SSMEM1: variants seen among roughly 807,000 people sequenced by gnomAD.
The protein encoded by SSMEM1 is serine rich single-pass membrane protein 1.
SSMEM1 carries 12 observed loss-of-function variants against 9.9 expected under a neutral mutation model. That is an observed-to-expected ratio of 1.21 (90% confidence interval 0.78 to 1.96). SSMEM1 has a LOEUF of 1.96. SSMEM1 is among the 30% of genes most tolerant of loss of function. The pLI, the probability that SSMEM1 is intolerant of heterozygous loss-of-function variation, is 0.00. For missense variants in SSMEM1, 259 were observed against 292.2 expected (o/e 0.89, Z 0.83); for synonymous variants, 96 against 98.9 (o/e 0.97, Z 0.17).
chr7:130,216,600 G>C lies in SSMEM1; in HGVS notation c.*130G>C. On this transcript the variant is annotated 3_prime_UTR_variant, in exon 3 of 3. Coordinates refer to ENST00000297819, the MANE Select transcript of SSMEM1 (RefSeq NM_145268.4). ...CTACCAACAAACAAAAACATACTTGGAACCCAAGAGGTAAAATCTCACACA... is the reference window on the plus strand; with the variant it reads ...CTACCAACAAACAAAAACATACTTGCAACCCAAGAGGTAAAATCTCACACA... 8.8e-7 allele frequency: 1 copy of C among 1,137,988 alleles called. No individual in the cohort carries two copies. The highest frequency in any genetic ancestry group is 1.2e-6 in the Non-Finnish European group (1 of 815,280). 70.5% of individuals were successfully genotyped at this position (1,137,988 alleles called of 1,614,324 possible). A position where few individuals can be genotyped will look rare whatever the true frequency, so the allele number is the denominator to read the frequency against.
chr7:130,214,376 A>G (rs1361602391), intron 2 of SSMEM1, among the ~76,000 whole-genome samples: 1 of 152,172 alleles, frequency 6.6e-6, no homozygotes, highest in African/African-American at 2.4e-5. Flanking sequence ...TCATGCCACT[A>G]CACTCCAGCC....
chr7:130,215,352 C>G (rs1402168676), intron 2 of SSMEM1, among the ~76,000 whole-genome samples: 1 of 151,992 alleles, frequency 6.6e-6, no homozygotes, highest in Admixed American at 6.6e-5. Flanking sequence ...TTTCCAGCAT[C>G]CAAATACAAC....
At chr7:130,205,444 GA>G, upstream of SSMEM1, 2 of 1,611,494 alleles carry the variant, frequency 1.2e-6, no homozygotes. Flanking sequence ...GCTCAAGCGG[GA>G]GGCCACCGGC....
At chr7:130,206,918 C>T (rs1056038388), upstream of SSMEM1, 2 of 208,906 alleles carry the variant, frequency 9.6e-6, no homozygotes, top group South Asian at 5.0e-5. Context: ...CCTGGGAAGC[C>T]GAGGTTGCGG....
At chr7:130,210,618 A>G (rs886799836) in intron 1 of SSMEM1, among the ~76,000 whole-genome samples, 1 of 152,210 alleles carries the variant, frequency 6.6e-6, no homozygotes, top group African/African-American at 2.4e-5. Flanking sequence ...ACTGAGCTTA[A>G]GAGGTGTTAA....
intron 2 of SSMEM1, among the ~76,000 whole-genome samples, chr7:130,214,083 GTT>G (rs1348201384): frequency 6.6e-6 from 1 of 152,152 alleles, no homozygotes; most frequent in African/African-American, 2.4e-5. Context: ...ACTGGTAAAT[GTT>G]TAACAACTGG....
intron 2 of SSMEM1, among the ~76,000 whole-genome samples, 155 bp downstream of exon 2, chr7:130,213,689 TACCAA>T (rs1305364424): frequency 3.2e-5 from 2 of 62,616 alleles, no homozygotes; most frequent in African/African-American, 6.2e-5. Flanking sequence ...TGAGACCCAG[TACCAA>T]AAAAAAAAAA....
At position 130,216,215 on chromosome 7, in the gene SSMEM1, C is replaced by T; in HGVS notation, c.480C>T (p.Ser160=). 1 of 1,614,132 alleles carries T rather than the reference C, an allele frequency of 6.2e-7. No homozygotes were observed. The highest frequency in any genetic ancestry group is 1.1e-5 in the South Asian group (1 of 91,078). Residue 160 remains serine, a synonymous_variant, in exon 3 of 3, where the codon TCC becomes TCT. Transcript: ENST00000297819. ...YGSEESNSEA[S]SWKESESEHH... ...GTGAAGAGTCTAACTCAGAAGCCTCCTCGTGGAAGGAGAGTGAAAGTGAAC... is the reference window on the plus strand; with the variant it reads ...GTGAAGAGTCTAACTCAGAAGCCTCTTCGTGGAAGGAGAGTGAAAGTGAAC...
At chr7:130,215,840 A>G in intron 2 of SSMEM1, 134 bp from the exon 3 acceptor site, 1 of 1,175,364 alleles carries the variant, frequency 8.5e-7, no homozygotes, top group South Asian at 1.6e-5. Context: ...CAACACTTGC[A>G]GGTGACTGGA....
chr7:130,206,654 G>A (rs1798479461), upstream of SSMEM1, among the ~76,000 whole-genome samples: 1 of 152,190 alleles, frequency 6.6e-6, no homozygotes, highest in African/African-American at 2.4e-5. Context: ...GAACTAACTG[G>A]AAAATTGTTC....
intron 1 of SSMEM1, among the ~76,000 whole-genome samples, chr7:130,211,315 A>T (rs1798587418): frequency 6.6e-6 from 1 of 151,298 alleles, no homozygotes; most frequent in South Asian, 2.1e-4. Flanking sequence ...CCACCACCAC[A>T]CCCGGCTAAT....
chr7:130,212,143 A>T (rs1206383776), intron 1 of SSMEM1, among the ~76,000 whole-genome samples: 1 of 152,160 alleles, frequency 6.6e-6, no homozygotes, highest in Non-Finnish European at 1.5e-5. Flanking sequence ...CTTTTGGCAA[A>T]ATCACTTTCA....
upstream of SSMEM1, chr7:130,206,978 C>T: frequency 6.3e-6 from 1 of 158,728 alleles, no homozygotes; most frequent in Non-Finnish European, 1.4e-5. Flanking sequence ...AGAGTGAGAC[C>T]CTGCTAAAAA....
In SSMEM1 at chr7:130,213,257, A is replaced by G. The variant is rs193044679; in HGVS notation, c.184-223A>G. Among the ~76,000 whole-genome samples the G allele has an allele frequency of 3.1e-3, 466 of 152,266 alleles. 2 individuals are homozygous for G. The highest frequency in any genetic ancestry group is 0.014 in the South Asian group (67 of 4,818). On this transcript the variant is annotated intron_variant, in intron 1 of 2. Coordinates refer to ENST00000297819, the MANE Select transcript of SSMEM1 (RefSeq NM_145268.4). Reference sequence around the variant, plus strand: ...CAGCTACTTGGGAGGCCGAGGCAGGAGAATCACTTGAACCCGGAAGATAGA... The same window carrying G: ...CAGCTACTTGGGAGGCCGAGGCAGGGGAATCACTTGAACCCGGAAGATAGA...
chr7:130,208,956 G>A (rs1188479716), intron 1 of SSMEM1, among the ~76,000 whole-genome samples: 2 of 151,856 alleles, frequency 1.3e-5, no homozygotes, highest in South Asian at 2.1e-4. Context: ...TCCGCCTCCC[G>A]GATTCAAGTG....
At chr7:130,206,614 T>C (rs1798477961), upstream of SSMEM1, among the ~76,000 whole-genome samples, 1 of 152,244 alleles carries the variant, frequency 6.6e-6, no homozygotes. Flanking sequence ...AGCAGCAATG[T>C]TGTTTTGCTC....
At chr7:130,209,791 G>T (rs1222586978) in intron 1 of SSMEM1, among the ~76,000 whole-genome samples, 1 of 152,282 alleles carries the variant, frequency 6.6e-6, no homozygotes, top group East Asian at 1.9e-4. Context: ...TGTTGGCCAG[G>T]CTGGTGTCGA....
chr7:130,213,639 C>A, intron 2 of SSMEM1, 105 bp downstream of exon 2: 1 of 717,020 alleles, frequency 1.4e-6, no homozygotes. Flanking sequence ...AGGAGGATTG[C>A]TTGAGCTAAG....
Position 130,216,728 on chromosome 7 carries a change from CAG to C in SSMEM1, c.*260_*261del, listed in dbSNP as rs1392969715. 2 of 462,546 alleles carry C rather than the reference CAG, an allele frequency of 4.3e-6. No homozygotes were observed. Among genetic ancestry groups the C allele is most frequent in the Non-Finnish European group, 7.6e-6 (2 of 262,260 alleles). 28.7% of individuals were successfully genotyped at this position (462,546 alleles called of 1,614,324 possible). A position where few individuals can be genotyped will look rare whatever the true frequency, so the allele number is the denominator to read the frequency against. Reference sequence around the variant, plus strand: ...TTTTTTTATTTGAAATAGCACAAGACAGATATTTTGTGCCTTGAGTGTATATA... The same window carrying C: ...TTTTTTTATTTGAAATAGCACAAGACATATTTTGTGCCTTGAGTGTATATA... On this transcript the variant is annotated 3_prime_UTR_variant, in exon 3 of 3. Coordinates refer to ENST00000297819, the MANE Select transcript of SSMEM1 (RefSeq NM_145268.4).
Sources: allele counts gnomAD v4.1 joint callset (sites outside exome capture counted in the v4.1 genomes callset), GRCh38; gene constraint gnomAD v4.1.1; transcripts MANE v1.5; gene names NCBI Gene and HGNC (gene_info 2026-07-23, HGNC 2026-07-21).